The following WDR20 variants were observed in gnomAD, a reference collection of about 807,000 sequenced individuals.
WDR20 encodes WD repeat domain 20.
A neutral mutation model predicts 38.7 loss-of-function variants in WDR20; 3 were observed. That is an observed-to-expected ratio of 0.08 (90% CI 0.04 to 0.20). The LOEUF is 0.20. Ranked by LOEUF, WDR20 falls within the 10% of genes least tolerant of loss-of-function variation. The pLI, the probability that WDR20 is intolerant of heterozygous loss-of-function variation, is 1.00. For synonymous variants in WDR20, 298 were observed against 285.6 expected, an observed-to-expected ratio of 1.04 and a Z score of -0.44; for missense variants, 559 against 727.7, an observed-to-expected ratio of 0.77 and a Z score of 2.67.
At position 102,208,261 on chromosome 14, in the gene WDR20, C is replaced by T. The variant is rs2061916471; in HGVS notation, c.433-342C>T. Among the ~76,000 whole-genome samples, 1 of 152,204 alleles carries T rather than the reference C, an allele frequency of 6.6e-6. No individual in the cohort carries two copies. The highest frequency in any genetic ancestry group is 1.5e-5 in the Non-Finnish European group (1 of 68,036). ...GCAGTGACCCCCAGATTCAGATGCA[C>T]CTACTGTCAAGGAAGAAAGATCCCA... On this transcript the variant is annotated intron_variant, in intron 2 of 2. Transcript: ENST00000342702. The surrounding 1 kb of genome is among the most constrained non-coding windows in gnomAD (Gnocchi z 5.6).
rs995483059 is a variant in WDR20, at chr14:102,207,188, A to G, written c.433-1415A>G. On this transcript the variant is annotated intron_variant, in intron 2 of 2. Coordinates refer to ENST00000342702, the MANE Select transcript of WDR20 (RefSeq NM_144574.4). This position sits in a 1 kb window ranked among gnomAD's most constrained non-coding sequence, Gnocchi z 5.0. Reference sequence around the variant, plus strand: ...CTGCTGCTGAGTAACTGCCCAATGCATGGTCCCCAGCCCTGGGCCCGCATG... The same window carrying G: ...CTGCTGCTGAGTAACTGCCCAATGCGTGGTCCCCAGCCCTGGGCCCGCATG... Among the ~76,000 whole-genome samples, 4 of 152,210 alleles carry G rather than the reference A, an allele frequency of 2.6e-5. No individual in the cohort carries two copies. The highest frequency in any genetic ancestry group is 9.6e-5 in the African/African-American group (4 of 41,456).
chr14:102,222,917 C>T lies in WDR20; in HGVS notation c.*34C>T. The T allele has an allele frequency of 1.2e-6, 2 of 1,613,366 alleles. No individual in the cohort carries two copies. ...CTGCTGCGCGCACAGTCTCCCGGGA[C>T]TTGGACTCGAGGGAGTGACGAGGAG... On this transcript the variant is annotated 3_prime_UTR_variant, in exon 4 of 4. Transcript: ENST00000335263. The surrounding 1 kb of genome is among the most constrained non-coding windows in gnomAD (Gnocchi z 4.4).
chr14:102,213,987 T>C (rs1487160114), downstream of WDR20: 8 of 985,488 alleles, frequency 8.1e-6, no homozygotes, highest in African/African-American at 1.2e-4. Context: ...TCCAGCTTTG[T>C]GGGTGAGGGC....
Position 102,222,767 on chromosome 14 carries a change from G to A in WDR20, c.1693-63G>A, listed in dbSNP as rs187506374. On this transcript the variant is annotated intron_variant, in intron 3 of 3. Transcript: ENST00000335263. The surrounding 1 kb of genome is among the most constrained non-coding windows in gnomAD (Gnocchi z 4.4). Reference sequence around the variant, plus strand: ...CCACGTGGAGCTGCTGGCGGAGGGCGCGCATGGTGGCTGTTGCCCGTCCGG... The same window carrying A: ...CCACGTGGAGCTGCTGGCGGAGGGCACGCATGGTGGCTGTTGCCCGTCCGG... The A allele has an allele frequency of 6.9e-6, 11 of 1,586,194 alleles. No homozygotes were observed. Among genetic ancestry groups the A allele is most frequent in the East Asian group, 4.5e-5 (2 of 44,712 alleles).
At chr14:102,212,539 G>C, downstream of WDR20, 1 of 1,535,988 alleles carries the variant, frequency 6.5e-7, no homozygotes, top group Non-Finnish European at 8.7e-7. Flanking sequence ...CACTTCTGCA[G>C]GCAGGAGGAC....
chr14:102,184,309 T>G (rs923929503), intron 1 of WDR20, among the ~76,000 whole-genome samples: 1 of 152,242 alleles, frequency 6.6e-6, no homozygotes, highest in African/African-American at 2.4e-5. Flanking sequence ...CATCAGAGAA[T>G]GAAGAGCTGG....
intron 2 of WDR20, chr14:102,197,666 TGAAGCA>T (rs1339742155): frequency 1.7e-6 from 1 of 600,484 alleles, no homozygotes; most frequent in Non-Finnish European, 3.0e-6. Context: ...TCATGTCACG[TGAAGCA>T]ATTTGGAACT....
intron 1 of WDR20, among the ~76,000 whole-genome samples, chr14:102,179,508 C>T (rs914810648): frequency 7.9e-5 from 12 of 151,156 alleles, no homozygotes; most frequent in African/African-American, 2.9e-4. Flanking sequence ...GTCTTGAACT[C>T]CTGGCCCCAA....
chr14:102,171,582 A>G (rs2060833101), intron 1 of WDR20: 1 of 151,910 alleles, frequency 6.6e-6, no homozygotes. Flanking sequence ...TCTGGAGAGT[A>G]ATTTGTCAGC....
intron 1 of WDR20, among the ~76,000 whole-genome samples, chr14:102,160,583 A>C (rs1223642644): frequency 6.6e-6 from 1 of 152,032 alleles, no homozygotes; most frequent in Non-Finnish European, 1.5e-5. Flanking sequence ...TTTGTACTCC[A>C]TGCTGTGGAT....
intron 2 of WDR20, among the ~76,000 whole-genome samples, chr14:102,196,955 A>G (rs1007376141): frequency 1.3e-5 from 2 of 152,172 alleles, no homozygotes; most frequent in Admixed American, 6.5e-5. Flanking sequence ...ATGTGGATAC[A>G]TTTTTATCAG....
rs199905085 is a variant in WDR20 at position 102,222,905 on chromosome 14, A to G, written c.*22A>G. The G allele has an allele frequency of 1.9e-5, 30 of 1,613,760 alleles. No homozygotes were observed. Among genetic ancestry groups the G allele is most frequent in the East Asian group, 4.5e-5 (2 of 44,890 alleles). ...GTAGCGACCTCACTGCTGCGCGCAC[A>G]GTCTCCCGGGACTTGGACTCGAGGG... On this transcript the variant is annotated 3_prime_UTR_variant, in exon 4 of 4. Transcript: ENST00000335263. The surrounding 1 kb of genome is among the most constrained non-coding windows in gnomAD (Gnocchi z 4.4).
chr14:102,147,225 TC>T (rs2152697147), intron 1 of WDR20, among the ~76,000 whole-genome samples: 1 of 152,216 alleles, frequency 6.6e-6, no homozygotes, highest in African/African-American at 2.4e-5. Context: ...GGAAACCACA[TC>T]TCTACTAAAA....
intron 1 of WDR20, among the ~76,000 whole-genome samples, chr14:102,142,781 T>TG (rs2152667932): frequency 6.7e-6 from 1 of 149,102 alleles, no homozygotes; most frequent in South Asian, 2.1e-4. Flanking sequence ...TGACTTTTTT[T>TG]TTTTTTTTTT....
Position 102,222,217 on chromosome 14 carries a change from C to T in WDR20, c.1693-613C>T, listed in dbSNP as rs949321271. 9.2e-5 allele frequency among the ~76,000 whole-genome samples: 14 copies of T among 152,154 alleles called. No homozygotes were observed. The highest frequency in any genetic ancestry group is 3.4e-4 in the African/African-American group (14 of 41,436). On this transcript the variant is annotated intron_variant, in intron 3 of 3. Transcript: ENST00000335263. The surrounding 1 kb of genome is among the most constrained non-coding windows in gnomAD (Gnocchi z 4.4). ...TTCTCCACACCCAGCTGCAGCCTCA[C>T]GGCAAGACTACTTTGTTCTGGGGCT...
chr14:102,188,384 T>C (rs2065408701), intron 1 of WDR20, among the ~76,000 whole-genome samples: 1 of 152,184 alleles, frequency 6.6e-6, no homozygotes, highest in Non-Finnish European at 1.5e-5. Context: ...TCCACATTTC[T>C]GTCCACTCAG....
At chr14:102,174,329 A>G (rs2061604404) in intron 1 of WDR20, among the ~76,000 whole-genome samples, 1 of 152,192 alleles carries the variant, frequency 6.6e-6, no homozygotes, top group Non-Finnish European at 1.5e-5. Flanking sequence ...GCTGTTTTCC[A>G]TAGCGGTTGT....
Position 102,209,192 on chromosome 14 carries a change from G to T in WDR20, c.1022G>T (p.Gly341Val). 8.7e-6 allele frequency: 14 copies of T among 1,614,090 alleles called. No individual in the cohort carries two copies. Among genetic ancestry groups the T allele is most frequent in the Non-Finnish European group, 1.0e-5 (12 of 1,180,020 alleles). ...GACTTCCAAGACCTTCTTCATTTTGGCAGAGATCGAGCAAATAGTACACAG... is the reference window on the plus strand; with the variant it reads ...GACTTCCAAGACCTTCTTCATTTTGTCAGAGATCGAGCAAATAGTACACAG... ...DEDFQDLLHF[G>V]RDRANSTQSR... Residue 341 changes from glycine (G) to valine (V), a missense_variant, in exon 3 of 3, where the codon GGC becomes GTC. Coordinates refer to ENST00000342702, the MANE Select transcript of WDR20 (RefSeq NM_144574.4). This position sits in a 1 kb window ranked among gnomAD's most constrained non-coding sequence, Gnocchi z 6.0.
intron 1 of WDR20, among the ~76,000 whole-genome samples, chr14:102,163,058 C>A (rs2059081788): frequency 6.6e-6 from 1 of 152,162 alleles, no homozygotes; most frequent in African/African-American, 2.4e-5. Context: ...TCTGTTCCCA[C>A]CAAAACTCAT....
Sources: gnomAD v4.1 joint callset for allele counts (sites outside exome capture counted in the v4.1 genomes callset) on GRCh38, gnomAD v4.1.1 for gene constraint, Gnocchi (gnomAD v3.1) non-coding constraint, MANE v1.5 for transcripts, NCBI Gene and HGNC (gene_info 2026-07-23, HGNC 2026-07-21) for gene names.